Variants in TNKS1BP1 observed in about 807,000 individuals in gnomAD.
TNKS1BP1 encodes CCR4-NOT transcription complex subunit 12, also known as 182 kDa tankyrase-1-binding protein.
TNKS1BP1 carries 48 observed loss-of-function variants against 141.1 expected under a neutral mutation model. The observed-to-expected ratio is 0.34, with a 90% confidence interval of 0.27 to 0.43. The LOEUF (loss-of-function observed/expected upper bound fraction) is 0.43. TNKS1BP1 is among the 20% of genes least tolerant of loss of function. TNKS1BP1 has a pLI of 1.00. For missense variants in TNKS1BP1, 2,149 were observed against 2,226.0 expected (o/e 0.97, Z 0.70); for synonymous variants, 875 against 898.2 (o/e 0.97, Z 0.46).
intron 5 of TNKS1BP1, among the ~76,000 whole-genome samples, chr11:57,311,781 G>A (rs1177604645): frequency 6.6e-6 from 1 of 152,358 alleles, no homozygotes; most frequent in East Asian, 1.9e-4. Flanking sequence ...GGGAAACGGC[G>A]CTGGCCCGGG....
At chr11:57,321,414 C>G (rs1855884821) in intron 2 of TNKS1BP1, among the ~76,000 whole-genome samples, 2 of 152,174 alleles carry the variant, frequency 1.3e-5, no homozygotes, top group Non-Finnish European at 2.9e-5. Context: ...AATCCCGTAC[C>G]TCCTACACAT....
intron 1 of TNKS1BP1, among the ~76,000 whole-genome samples, chr11:57,323,986 G>A (rs1253684310): frequency 6.6e-6 from 1 of 152,206 alleles, no homozygotes; most frequent in Non-Finnish European, 1.5e-5. Flanking sequence ...GGCCCCAGGT[G>A]ACCAAGGCCA....
rs143756483 is a variant in TNKS1BP1, at chr11:57,320,343, C to T, written c.464G>A (p.Arg155His). The change falls in exon 3 of 12, where the codon CGC (arginine) becomes CAC (histidine). Residue 155 changes from arginine to histidine, a missense_variant. By Grantham distance (29) the Arg-to-His change is conservative (BLOSUM62 0). Coordinates refer to ENST00000358252, the MANE Select transcript of TNKS1BP1 (RefSeq NM_033396.3). ...CTCTTCCACCGTGGTGGCCGCGAAG[C>T]GCTCTGAGGCTGGGCGGAAAGGGGC... The part of the protein sequence containing the change: ...APAPFRPASE[R>H]FAATTVEEIL... 8,675 of 1,614,176 alleles carry T rather than the reference C, an allele frequency of 5.4e-3. 28 individuals carry two copies. Among genetic ancestry groups the T allele is most frequent in the Admixed American group, 9.5e-3 (571 of 60,030 alleles).
chr11:57,304,104 ACGCATCCC>A (rs1171411254), intron 6 of TNKS1BP1, among the ~76,000 whole-genome samples: 1 of 151,792 alleles, frequency 6.6e-6, no homozygotes, highest in African/African-American at 2.4e-5. Context: ...ACACAAACAC[ACGCATCCC>A]CGCATCCCCA....
chr11:57,301,138 A>G (rs1855519000), intron 9 of TNKS1BP1, 97 bp from the exon 10 acceptor site: 4 of 1,321,974 alleles, frequency 3.0e-6, no homozygotes, highest in South Asian at 3.2e-5. Flanking sequence ...AGTCCCCAGA[A>G]TCAAGCAGAG....
In TNKS1BP1 at chr11:57,300,994, A is replaced by G. The variant is rs779432511; in HGVS notation, c.5019T>C (p.Ala1673=). The G allele has an allele frequency of 6.2e-6, 10 of 1,613,870 alleles. No homozygotes were observed. The East Asian group carries it at 2.2e-4, about 36-fold the overall frequency. The change falls in exon 10 of 12, where the codon GCT becomes GCC. Residue 1673 remains alanine, a synonymous_variant. Coordinates refer to ENST00000358252, the MANE Select transcript of TNKS1BP1 (RefSeq NM_033396.3). ...ACTCCTTCTGGCTCGACTTGCTCTC[A>G]GCCAGCTCTCCCTCCTCAGCTGAGC... ...RNRSAEEGEL[A]ESKSSQKESA... is the part of the protein sequence containing the mutation.
Position 57,300,926 on chromosome 11 carries a change from C to A in TNKS1BP1, c.5087G>T (p.Gly1696Val). Reference protein sequence around the residue: ...RSKSCKVPGLGKPLTLPPKPE... With the variant: ...RSKSCKVPGLVKPLTLPPKPE... ...CTTGGGAGGTAACGTGAGGGGCTTT[C>A]CCAGTCCTGGGACCTTGCAGGATTT... The change falls in exon 10 of 12, where the codon GGA (glycine) becomes GTA (valine). Residue 1696 changes from glycine to valine, a missense_variant. Coordinates refer to ENST00000358252, the MANE Select transcript of TNKS1BP1 (RefSeq NM_033396.3). The A allele has an allele frequency of 6.2e-7, 1 of 1,614,144 alleles. No homozygotes were observed. Among genetic ancestry groups the A allele is most frequent in the East Asian group, 2.2e-5 (1 of 44,882 alleles).
Position 57,313,100 on chromosome 11 carries a change from C to G in TNKS1BP1, c.1588G>C (p.Gly530Arg), listed in dbSNP as rs1256992359. 1.2e-6 allele frequency: 2 copies of G among 1,613,368 alleles called. No individual in the cohort carries two copies. Among genetic ancestry groups the G allele is most frequent in the African/African-American group, 2.7e-5 (2 of 74,934 alleles). ...REEGVSQQGQGAGSAPSGSGS... is the reference protein window; with the variant it reads ...REEGVSQQGQRAGSAPSGSGS... The stretch of plus-strand genomic sequence containing the variant: ...GACCCACTTGGAGCTGACCCAGCCC[C>G]TTGCCCCTGCTGAGACACTCCTTCT... The change falls in exon 5 of 12, where the codon GGG (glycine) becomes CGG (arginine). Residue 530 changes from glycine to arginine, a missense_variant. Transcript: ENST00000358252.
At chr11:57,323,943 G>A (rs1326481657) in intron 1 of TNKS1BP1, among the ~76,000 whole-genome samples, 1 of 152,170 alleles carries the variant, frequency 6.6e-6, no homozygotes, top group Non-Finnish European at 1.5e-5. Flanking sequence ...CAGGTGCGGA[G>A]GTGGCCACAG....
Position 57,300,980 on chromosome 11 carries a change from C to T in TNKS1BP1, c.5033G>A (p.Ser1678Asn). ...EEGELAESKS[S>N]QKESAVQRSK... Reference sequence around the variant, plus strand: ...ACGCTGGACCGCGGACTCCTTCTGGCTCGACTTGCTCTCAGCCAGCTCTCC... The same window carrying T: ...ACGCTGGACCGCGGACTCCTTCTGGTTCGACTTGCTCTCAGCCAGCTCTCC... The change falls in exon 10 of 12, where the codon AGC becomes AAC. Residue 1678 changes from serine to asparagine, a missense_variant. Transcript: ENST00000358252. The T allele has an allele frequency of 1.2e-6, 2 of 1,614,162 alleles. No homozygotes were observed. Among genetic ancestry groups the T allele is most frequent in the Non-Finnish European group, 1.7e-6 (2 of 1,180,022 alleles).
At position 57,306,295 on chromosome 11, in the gene TNKS1BP1, A is replaced by AAAAAAG. The variant is rs60916068; in HGVS notation, c.4316+2099_4316+2100insCTTTTT. Among the ~76,000 whole-genome samples, 165 of 151,034 alleles carry AAAAAAG rather than the reference A, an allele frequency of 1.1e-3. 2 individuals carry two copies. The highest frequency in any genetic ancestry group is 1.6e-3 in the Non-Finnish European group (110 of 67,660). ...ACCAAGACTCCGTTTCAAAAAAAAAAAGAGAAAGTGCCCATAGTGTAGAAT... is the reference window on the plus strand; with the variant it reads ...ACCAAGACTCCGTTTCAAAAAAAAAAAAAAAGAGAGAAAGTGCCCATAGTGTAGAAT... On this transcript the variant is annotated intron_variant, in intron 6 of 11. Transcript: ENST00000358252.
intron 9 of TNKS1BP1, among the ~76,000 whole-genome samples, chr11:57,301,437 C>T (rs894697354): frequency 4.6e-5 from 7 of 152,174 alleles, no homozygotes; most frequent in Admixed American, 4.6e-4. Flanking sequence ...TTCCCATCCC[C>T]CTCCACTCTG....
rs778026745 is a variant in TNKS1BP1, at chr11:57,313,213, A to C, written c.1475T>G (p.Leu492Arg). The C allele has an allele frequency of 5.0e-6, 8 of 1,612,484 alleles. No individual in the cohort carries two copies. The Admixed American group carries it at 1.3e-4, about 27-fold the overall frequency. ...GATGGGGGAGGGAGGCGGGGAGTCC[A>C]GCCGCCACACGCCCAGACCCGAGGG... ...TRPSGLGVWR[L>R]DSPPPSPITE... The change falls in exon 5 of 12, where the codon CTG becomes CGG. Residue 492 changes from leucine (L) to arginine (R), a missense_variant. Leu to Arg is a moderately radical substitution (Grantham distance 102). Transcript: ENST00000358252.
rs759332619 is a variant in TNKS1BP1, at chr11:57,317,804, G to A, written c.798+14C>T. 7 of 1,611,924 alleles carry A rather than the reference G, an allele frequency of 4.3e-6. No individual in the cohort carries two copies. In the South Asian group the frequency reaches 5.5e-5, roughly 13 times the overall value. Reference sequence around the variant, plus strand: ...AAATACGTGATTCTGATTCATAACTGGAGGATAACTCACATCAGCAGGTAG... The same window carrying A: ...AAATACGTGATTCTGATTCATAACTAGAGGATAACTCACATCAGCAGGTAG... On this transcript the variant is annotated intron_variant, in intron 4 of 11. Coordinates refer to ENST00000358252, the MANE Select transcript of TNKS1BP1 (RefSeq NM_033396.3).
At position 57,320,337 on chromosome 11, in the gene TNKS1BP1, G is replaced by A. The variant is rs780309237; in HGVS notation, c.470C>T (p.Ala157Val). The A allele has an allele frequency of 2.4e-5, 38 of 1,614,080 alleles. No homozygotes were observed. In the Middle Eastern group the frequency reaches 1.3e-3, roughly 56 times the overall value. ...APFRPASERF[A>V]ATTVEEILAK... ...CAGGATCTCTTCCACCGTGGTGGCC[G>A]CGAAGCGCTCTGAGGCTGGGCGGAA... The change falls in exon 3 of 12, where the codon GCG becomes GTG. Residue 157 changes from alanine (A) to valine (V), a missense_variant. Ala to Val is a moderately conservative substitution (Grantham distance 64, BLOSUM62 0). Coordinates refer to ENST00000358252, the MANE Select transcript of TNKS1BP1 (RefSeq NM_033396.3).
chr11:57,306,123 C>T (rs936173002), intron 6 of TNKS1BP1, among the ~76,000 whole-genome samples: 2 of 152,052 alleles, frequency 1.3e-5, no homozygotes, highest in African/African-American at 4.8e-5. Flanking sequence ...GCTAAAAATA[C>T]AAAAATTAGC....
chr11:57,309,456 G>C lies in TNKS1BP1; in HGVS notation c.3255C>G (p.Gly1085=). The part of the protein sequence containing the change: ...DLEDGEMGKR[G]WVGEFSLSVG... ...CACTGAGGCTAAACTCACCGACCCA[G>C]CCTCGCTTTCCCATCTCCCCATCTT... Residue 1085 remains glycine, a synonymous_variant, in exon 6 of 12, where the codon GGC becomes GGG. Coordinates refer to ENST00000358252, the MANE Select transcript of TNKS1BP1 (RefSeq NM_033396.3). The surrounding 1 kb of genome is among the most constrained non-coding windows in gnomAD (Gnocchi z 4.3). 1 of 1,614,086 alleles carries C rather than the reference G, an allele frequency of 6.2e-7. No individual in the cohort carries two copies.
At chr11:57,311,558 C>G (rs1370969761) in intron 5 of TNKS1BP1, 8 of 676,796 alleles carry the variant, frequency 1.2e-5, no homozygotes, top group Non-Finnish European at 1.5e-5. Context: ...CACCCACATC[C>G]CGGGACAGAC....
intron 1 of TNKS1BP1, among the ~76,000 whole-genome samples, chr11:57,322,623 A>T (rs1390443483): frequency 6.6e-6 from 1 of 152,240 alleles, no homozygotes; most frequent in Non-Finnish European, 1.5e-5. Context: ...GAATTTGATG[A>T]GGTAAAGCCA....
Sources: allele counts gnomAD v4.1 joint callset (sites outside exome capture counted in the v4.1 genomes callset), GRCh38; gene constraint gnomAD v4.1.1; non-coding constraint Gnocchi (gnomAD v3.1); transcripts MANE v1.5; gene names NCBI Gene and HGNC (gene_info 2026-07-23, HGNC 2026-07-21).